ERC2: variants seen among roughly 807,000 people sequenced by gnomAD.
The protein encoded by ERC2 is ELKS/RAB6-interacting/CAST family member 2.
In ERC2, 42 loss-of-function variants were observed where a neutral mutation model predicts 114.8. That is an observed-to-expected ratio of 0.37 (90% CI 0.29 to 0.47). The LOEUF (loss-of-function observed/expected upper bound fraction) is 0.47, where lower values mean the gene tolerates loss of function less well. ERC2 is among the 20% of genes least tolerant of loss of function. ERC2 has a pLI of 0.99. For missense variants in ERC2, 939 were observed against 1,150.7 expected (o/e 0.82, Z 2.66); for synonymous variants, 454 against 425.5 (o/e 1.07, Z -0.82).
intron 17 of ERC2, among the ~76,000 whole-genome samples, chr3:55,634,914 A>C (rs2059896973): frequency 1.4e-5 from 2 of 147,522 alleles, no homozygotes; most frequent in African/African-American, 2.5e-5. Flanking sequence ...GACGAGTCTC[A>C]CTCTCTAGCC....
At chr3:56,142,360 G>A (rs908998050) in intron 5 of ERC2, among the ~76,000 whole-genome samples, 1 of 152,042 alleles carries the variant, frequency 6.6e-6, no homozygotes. Flanking sequence ...AATCTCAGTA[G>A]ACACATGTCA....
intron 17 of ERC2, among the ~76,000 whole-genome samples, chr3:55,584,009 A>G (rs2107578472): frequency 6.6e-6 from 1 of 152,328 alleles, no homozygotes; most frequent in Admixed American, 6.5e-5. Context: ...CAGTTTTCTT[A>G]CACATAAAAC....
intron 2 of ERC2, among the ~76,000 whole-genome samples, chr3:56,343,192 T>TCACACACACCCACACACA (rs1553926190): frequency 4.8e-5 from 6 of 126,130 alleles, no homozygotes; most frequent in Non-Finnish European, 9.9e-5. Flanking sequence ...TCTCTCTCTC[T>TCACACACACCCACACACA]CACACACACA....
chr3:55,685,085 C>T (rs897884611), intron 16 of ERC2, among the ~76,000 whole-genome samples: 1 of 152,188 alleles, frequency 6.6e-6, no homozygotes, highest in Admixed American at 6.5e-5. Context: ...TCATTTTTAT[C>T]TACTCAAAGA....
chr3:56,302,844 A>G (rs2055971485), intron 2 of ERC2, among the ~76,000 whole-genome samples: 1 of 152,218 alleles, frequency 6.6e-6, no homozygotes. Flanking sequence ...ATTCCACTGC[A>G]CATCAGGACA....
At chr3:56,041,243 T>C (rs548179872) in intron 7 of ERC2, among the ~76,000 whole-genome samples, 2 of 152,232 alleles carry the variant, frequency 1.3e-5, no homozygotes, top group African/African-American at 4.8e-5. Context: ...TTTTACCTAA[T>C]AGGAAGTCAT....
intron 2 of ERC2, among the ~76,000 whole-genome samples, chr3:56,327,829 T>C (rs922266365): frequency 2.6e-5 from 4 of 152,152 alleles, no homozygotes; most frequent in Admixed American, 6.5e-5. Flanking sequence ...AACTGAGTCA[T>C]CCCAAGGCAA....
intron 17 of ERC2, among the ~76,000 whole-genome samples, chr3:55,677,117 C>T (rs546250121): frequency 6.6e-6 from 1 of 152,328 alleles, no homozygotes; most frequent in East Asian, 1.9e-4. Context: ...TTTCTCTCTT[C>T]CAATTCATTA....
chr3:55,591,584 T>TGC (rs2057888872), intron 17 of ERC2, among the ~76,000 whole-genome samples: 1 of 151,316 alleles, frequency 6.6e-6, no homozygotes, highest in African/African-American at 2.4e-5. Flanking sequence ...CGTGTGTGTG[T>TGC]GTGTGTGTGT....
chr3:56,244,565 C>T (rs7636668), intron 3 of ERC2, among the ~76,000 whole-genome samples: 85,014 of 151,610 alleles, frequency 0.56, 24,452 homozygotes, highest in East Asian at 0.84. Flanking sequence ...TGATCATGTG[C>T]AGGCCTGGAC....
intron 6 of ERC2, among the ~76,000 whole-genome samples, chr3:56,116,884 T>C (rs2079269783): frequency 6.6e-6 from 1 of 152,232 alleles, no homozygotes; most frequent in African/African-American, 2.4e-5. Context: ...AAAATGTATA[T>C]TAATAGTGAA....
At chr3:55,595,151 G>A (rs888546437) in intron 17 of ERC2, among the ~76,000 whole-genome samples, 8 of 152,174 alleles carry the variant, frequency 5.3e-5, no homozygotes, top group African/African-American at 1.9e-4. Context: ...TCATTAACTT[G>A]CTTAGAAGGA....
At chr3:56,348,837 C>T (rs532661992) in intron 2 of ERC2, among the ~76,000 whole-genome samples, 10 of 143,066 alleles carry the variant, frequency 7.0e-5, no homozygotes, top group Non-Finnish European at 1.3e-4. Context: ...CTTTACCCTA[C>T]CACTTTTCTA....
rs1169108700 is a variant in ERC2 at position 56,296,034 on chromosome 3, G to A, written c.1059C>T (p.Asn353=). The A allele has an allele frequency of 1.9e-6, 3 of 1,595,960 alleles. No individual in the cohort carries two copies. Among genetic ancestry groups the A allele is most frequent in the East Asian group, 4.5e-5 (2 of 44,592 alleles). Residue 353 remains asparagine, a synonymous_variant, in exon 3 of 18, where the codon AAC becomes AAT. Transcript: ENST00000288221. ...EVILDQKEKE[N]IHLREELHRR... is the part of the protein sequence containing the mutation. Reference sequence around the variant, plus strand: ...ATGCTCTTACCTCTCTAAGATGTATGTTTTCCTTCTCTTTCTGATCTAAAA... The same window carrying A: ...ATGCTCTTACCTCTCTAAGATGTATATTTTCCTTCTCTTTCTGATCTAAAA...
intron 6 of ERC2, among the ~76,000 whole-genome samples, chr3:56,116,658 G>C (rs184896342): frequency 2.0e-5 from 3 of 152,150 alleles, no homozygotes; most frequent in African/African-American, 7.2e-5. Context: ...CTCTATCTTT[G>C]CTCATGCTGT....
chr3:55,748,401 A>G (rs955448635), intron 14 of ERC2, among the ~76,000 whole-genome samples: 12 of 152,204 alleles, frequency 7.9e-5, no homozygotes, highest in Admixed American at 5.9e-4. Flanking sequence ...AATGGGGACA[A>G]GCAAGACAGA....
Position 56,149,120 on chromosome 3 carries a change from C to G in ERC2, c.1162G>C (p.Ala388Pro). The part of the protein sequence containing the change: ...TVIEMKDTKI[A>P]SLERNIRDLE... Reference sequence around the variant, plus strand: ...TCCCTTATGTTTCGTTCCAATGAAGCGATTTTTGTGTCCTGTTGGTAAAGA... The same window carrying G: ...TCCCTTATGTTTCGTTCCAATGAAGGGATTTTTGTGTCCTGTTGGTAAAGA... Residue 388 changes from alanine to proline, a missense_variant, in exon 5 of 18, where the codon GCT becomes CCT. Ala to Pro is a conservative substitution (Grantham distance 27, BLOSUM62 -1). This residue lies in a region of ERC2 where 148 missense variants were observed against 159.1 expected (regional missense o/e 0.93). Transcript: ENST00000288221. 6.2e-7 allele frequency: 1 copy of G among 1,602,410 alleles called. No individual in the cohort carries two copies. Among genetic ancestry groups the G allele is most frequent in the Non-Finnish European group, 8.5e-7 (1 of 1,174,254 alleles).
chr3:55,686,103 G>C (rs1285511863), intron 16 of ERC2, among the ~76,000 whole-genome samples: 1 of 152,150 alleles, frequency 6.6e-6, no homozygotes, highest in African/African-American at 2.4e-5. Flanking sequence ...TAGTTTGAAA[G>C]TACACGCTGC....
intron 6 of ERC2, among the ~76,000 whole-genome samples, chr3:56,139,194 T>C (rs1003551611): frequency 1.3e-5 from 2 of 152,224 alleles, no homozygotes; most frequent in African/African-American, 2.4e-5. Context: ...CCAAACACCT[T>C]TGGTGGCACA....
Sources: allele counts gnomAD v4.1 joint callset (sites outside exome capture counted in the v4.1 genomes callset), GRCh38; gene constraint gnomAD v4.1.1; regional missense constraint gnomAD v4.1.1; transcripts MANE v1.5; gene names NCBI Gene and HGNC (gene_info 2026-07-23, HGNC 2026-07-21).